Variants in HLCS observed in about 807,000 individuals in gnomAD.
HLCS encodes biotin--protein ligase.
HLCS carries 53 observed loss-of-function variants against 75.0 expected under a neutral mutation model. The ratio of observed to expected loss-of-function variants is 0.71; its 90% CI spans 0.57 to 0.89. The LOEUF (loss-of-function observed/expected upper bound fraction) is 0.89, where lower values mean the gene tolerates loss of function less well. Ranked by LOEUF, HLCS falls within the 40% of genes least tolerant of loss-of-function variation. HLCS has a pLI of 0.00. For synonymous variants in HLCS, 431 were observed against 428.6 expected (o/e 1.01, Z -0.07); for missense variants, 966 against 1,074.0 (o/e 0.90, Z 1.41).
At position 36,759,724 on chromosome 21, in the gene HLCS, TACCAATAAG is replaced by T; in HGVS notation, c.2230_2236+2del. 1 of 1,546,574 alleles carries T rather than the reference TACCAATAAG, an allele frequency of 6.5e-7. No homozygotes were observed. Among genetic ancestry groups the T allele is most frequent in the Non-Finnish European group, 8.9e-7 (1 of 1,118,216 alleles). The stretch of plus-strand genomic sequence containing the variant: ...TGCTGGGGGAAAGGTTTTTGAAACT[TACCAATAAG>T]TATATAAAATGTTTCTCCCATGAGT... On this transcript the variant is annotated splice_donor_variant and coding_sequence_variant, in exon 9 of 11. Transcript: ENST00000674895. LOFTEE classifies it high-confidence loss of function.
intron 6 of HLCS, among the ~76,000 whole-genome samples, chr21:36,820,505 T>C (rs1237789989): frequency 1.3e-5 from 2 of 152,218 alleles, no homozygotes; most frequent in Admixed American, 6.5e-5. Flanking sequence ...CAGAGCAAAG[T>C]TGTGGCCAAG....
chr21:36,955,777 C>A (rs1022998253), intron 2 of HLCS, among the ~76,000 whole-genome samples: 11 of 152,192 alleles, frequency 7.2e-5, no homozygotes, highest in Non-Finnish European at 1.5e-4. Flanking sequence ...CTCACTGACT[C>A]GCCCTGAGCC....
rs114101101 is a variant in HLCS at position 36,892,882 on chromosome 21, G to A, written c.1892+3978C>T. Reference sequence around the variant, plus strand: ...TGCTGAAGAAATGATACACACAGACGAAGAGAGAAATAAGCATTGAGAGAA... The same window carrying A: ...TGCTGAAGAAATGATACACACAGACAAAGAGAGAAATAAGCATTGAGAGAA... On this transcript the variant is annotated intron_variant, in intron 6 of 10. Coordinates refer to ENST00000674895, the MANE Select transcript of HLCS (RefSeq NM_001352514.2). Among the ~76,000 whole-genome samples the A allele has an allele frequency of 4.2e-3, 638 of 152,256 alleles. 5 individuals carry two copies. Among genetic ancestry groups the A allele is most frequent in the African/African-American group, 0.014 (584 of 41,552 alleles).
At position 36,790,263 on chromosome 21, in the gene HLCS, G is replaced by C. The variant is rs1601258425; in HGVS notation, c.1893-22978C>G. Among the ~76,000 whole-genome samples, 3 of 152,162 alleles carry C rather than the reference G, an allele frequency of 2.0e-5. No individual in the cohort carries two copies. In the South Asian group the frequency reaches 6.2e-4, roughly 32 times the overall value. ...TACTAAAAATACAAAAATTAGCTGG[G>C]TGTGGTGGGGTGCACCTGTAATCCC... is the stretch of plus-strand genomic sequence containing the variant. On this transcript the variant is annotated intron_variant, in intron 6 of 10. Coordinates refer to ENST00000674895, the MANE Select transcript of HLCS (RefSeq NM_001352514.2).
chr21:36,762,141 T>G (rs2089870299), intron 8 of HLCS, among the ~76,000 whole-genome samples: 1 of 152,260 alleles, frequency 6.6e-6, no homozygotes, highest in Non-Finnish European at 1.5e-5. Context: ...ATCCTGCTTT[T>G]GAAGAGCTGC....
chr21:36,983,711 C>G (rs8126776), intron 1 of HLCS, among the ~76,000 whole-genome samples: 15,808 of 151,422 alleles, frequency 0.1, 1,244 homozygotes, highest in African/African-American at 0.22. Context: ...GTGGCGGGCA[C>G]CTGTAGTCCC....
At chr21:36,791,077 G>A (rs1569014374) in intron 6 of HLCS, among the ~76,000 whole-genome samples, 1 of 152,126 alleles carries the variant, frequency 6.6e-6, no homozygotes, top group Non-Finnish European at 1.5e-5. Flanking sequence ...GAGATCTTTG[G>A]GGACATGAAT....
intron 6 of HLCS, among the ~76,000 whole-genome samples, chr21:36,834,581 G>C (rs1013726357): frequency 6.6e-6 from 1 of 152,090 alleles, no homozygotes; most frequent in Non-Finnish European, 1.5e-5. Context: ...TTTTGAGACG[G>C]AGTCTCACTC....
chr21:36,925,034 A>G (rs1198903033), intron 5 of HLCS, among the ~76,000 whole-genome samples: 2 of 152,176 alleles, frequency 1.3e-5, no homozygotes, highest in Non-Finnish European at 2.9e-5. Flanking sequence ...CCGTTTTTTG[A>G]TATGTTTACA....
chr21:36,917,003 G>C (rs2065961825), intron 5 of HLCS, among the ~76,000 whole-genome samples: 1 of 152,176 alleles, frequency 6.6e-6, no homozygotes, highest in Non-Finnish European at 1.5e-5. Context: ...CTCTTTATCA[G>C]GAAAATGTGG....
intron 2 of HLCS, chr21:36,948,087 C>T: frequency 4.1e-6 from 2 of 492,314 alleles, no homozygotes; most frequent in Non-Finnish European, 5.3e-6. Flanking sequence ...GTCAGGAGTT[C>T]GAAACCAGCC....
intron 5 of HLCS, among the ~76,000 whole-genome samples, chr21:36,925,110 A>C (rs981808992): frequency 3.3e-5 from 5 of 152,182 alleles, no homozygotes; most frequent in Admixed American, 3.3e-4. Context: ...CACAGTAAAA[A>C]TTTGGGGTTA....
chr21:36,969,301 C>T (rs1001537099), upstream of HLCS, among the ~76,000 whole-genome samples: 6 of 152,110 alleles, frequency 3.9e-5, no homozygotes, highest in African/African-American at 9.7e-5. Flanking sequence ...AATGTGTATG[C>T]ACCTGATCCT....
intron 1 of HLCS, among the ~76,000 whole-genome samples, chr21:36,976,137 C>T (rs373673755): frequency 3.9e-5 from 6 of 152,180 alleles, no homozygotes; most frequent in African/African-American, 7.2e-5. Context: ...AGATCCAAGA[C>T]GCAAGAGTGG....
intron 6 of HLCS, among the ~76,000 whole-genome samples, chr21:36,834,387 A>C (rs904481158): frequency 1.3e-5 from 2 of 152,176 alleles, no homozygotes; most frequent in Non-Finnish European, 2.9e-5. Context: ...GAGCATGTCC[A>C]AGTGTGACCA....
intron 5 of HLCS, among the ~76,000 whole-genome samples, chr21:36,928,551 C>T (rs1007295628): frequency 6.6e-6 from 1 of 152,112 alleles, no homozygotes; most frequent in Non-Finnish European, 1.5e-5. Flanking sequence ...GCCTGGGCAA[C>T]AGAGCAAGAC....
At chr21:36,825,220 T>C (rs561318298) in intron 6 of HLCS, among the ~76,000 whole-genome samples, 2 of 151,924 alleles carry the variant, frequency 1.3e-5, no homozygotes, top group East Asian at 1.9e-4. Context: ...CCTGTCTCTA[T>C]AAAAAATAAA....
chr21:36,790,233 G>A (rs2060818361), intron 6 of HLCS, among the ~76,000 whole-genome samples: 1 of 152,100 alleles, frequency 6.6e-6, no homozygotes, highest in Admixed American at 6.5e-5. Flanking sequence ...GTGAAACCCT[G>A]TCTCTACTAA....
chr21:36,853,952 CA>C (rs1343316516), intron 6 of HLCS, among the ~76,000 whole-genome samples: 2 of 151,918 alleles, frequency 1.3e-5, no homozygotes, highest in Admixed American at 1.3e-4. Flanking sequence ...AAAGACTTTT[CA>C]AGCATAAAAA....
Sources: gnomAD v4.1 joint callset for allele counts (sites outside exome capture counted in the v4.1 genomes callset) on GRCh38, gnomAD v4.1.1 for gene constraint, MANE v1.5 for transcripts, NCBI Gene and HGNC (gene_info 2026-07-23, HGNC 2026-07-21) for gene names.